MRPS31: variants seen among roughly 807,000 people sequenced by gnomAD.
The protein encoded by MRPS31 is small ribosomal subunit protein mS31.
MRPS31 carries 32 observed loss-of-function variants against 43.1 expected under a neutral mutation model. The ratio of observed to expected loss-of-function variants is 0.74; its 90% CI spans 0.56 to 1.00. MRPS31 has a LOEUF of 1.00. Among genes scored for constraint, MRPS31 ranks in the 50% least tolerant of loss-of-function variants. The probability of loss-of-function intolerance (pLI) is 0.00; values close to 1 mark genes in which losing one functional copy is unlikely to be tolerated. For missense variants in MRPS31, 437 were observed against 466.7 expected (o/e 0.94, Z 0.59); for synonymous variants, 165 against 161.6 (o/e 1.02, Z -0.16).
At chr13:40,762,164 T>C (rs1421620006) in intron 2 of MRPS31, among the ~76,000 whole-genome samples, 1 of 151,774 alleles carries the variant, frequency 6.6e-6, no homozygotes, top group East Asian at 1.9e-4. Flanking sequence ...GAGGATTGCT[T>C]GAGCCCAGAG....
At chr13:40,730,775 G>C (rs1879666631) in intron 6 of MRPS31, among the ~76,000 whole-genome samples, 1 of 151,642 alleles carries the variant, frequency 6.6e-6, no homozygotes, top group African/African-American at 2.4e-5. Flanking sequence ...TGGTCAGGCT[G>C]GCTTGAACTC....
chr13:40,767,165 T>TC (rs1399178979), intron 1 of MRPS31, 132 bp from the exon 2 acceptor site: 1 of 713,300 alleles, frequency 1.4e-6, no homozygotes, highest in Admixed American at 3.5e-5. Flanking sequence ...TCCGTTGCTT[T>TC]TTTTTTTTTG....
chr13:40,735,346 G>C (rs148475907), intron 6 of MRPS31, among the ~76,000 whole-genome samples: 4 of 152,182 alleles, frequency 2.6e-5, no homozygotes, highest in Non-Finnish European at 5.9e-5. Context: ...CGGCAGTGAG[G>C]CTGCGGGAGG....
chr13:40,731,694 A>C (rs916844307), intron 6 of MRPS31, among the ~76,000 whole-genome samples: 5 of 152,184 alleles, frequency 3.3e-5, no homozygotes, highest in African/African-American at 1.2e-4. Context: ...TAAAAGACAG[A>C]GACTGGCACA....
chr13:40,757,878 C>T (rs1221542184), intron 3 of MRPS31, among the ~76,000 whole-genome samples: 4 of 151,114 alleles, frequency 2.6e-5, no homozygotes, highest in African/African-American at 9.7e-5. Context: ...TGCAGTGGCT[C>T]ACGCCTGTAA....
At chr13:40,762,178 G>A (rs9549283) in intron 2 of MRPS31, among the ~76,000 whole-genome samples, 1 of 152,072 alleles carries the variant, frequency 6.6e-6, no homozygotes, top group African/African-American at 2.4e-5. Context: ...CCCAGAGGTA[G>A]AGGCGATTGT....
chr13:40,734,902 C>T (rs1879832447), intron 6 of MRPS31, among the ~76,000 whole-genome samples: 1 of 152,084 alleles, frequency 6.6e-6, no homozygotes, highest in Non-Finnish European at 1.5e-5. Context: ...TCTCAAAAAA[C>T]CCCAAATAAC....
intron 4 of MRPS31, among the ~76,000 whole-genome samples, chr13:40,754,514 T>C (rs1314448084): frequency 2.0e-5 from 3 of 152,234 alleles, no homozygotes; most frequent in African/African-American, 4.8e-5. Flanking sequence ...TATAAAAGAT[T>C]GCATTGGTAA....
chr13:40,734,165 T>A (rs9646110), intron 6 of MRPS31, among the ~76,000 whole-genome samples: 55,549 of 151,854 alleles, frequency 0.37, 10,981 homozygotes, highest in East Asian at 0.59. Context: ...CTATTTCCAA[T>A]CTTGATTTTT....
Position 40,747,091 on chromosome 13 carries a change from T to C in MRPS31, c.958+2047A>G, listed in dbSNP as rs180682145. Among the ~76,000 whole-genome samples, 133 of 152,222 alleles carry C rather than the reference T, an allele frequency of 8.7e-4. 1 individual carries two copies. Among genetic ancestry groups the C allele is most frequent in the African/African-American group, 1.9e-3 (77 of 41,550 alleles). The stretch of plus-strand genomic sequence containing the variant: ...TTTTTTTTTCTTTCTTTCTTTCTTT[T>C]TTTTTGAGGCACAGTTTCGCTCTGT... On this transcript the variant is annotated intron_variant, in intron 6 of 6. Coordinates refer to ENST00000323563, the MANE Select transcript of MRPS31 (RefSeq NM_005830.4).
At position 40,745,378 on chromosome 13, in the gene MRPS31, G is replaced by A. The variant is rs370301560; in HGVS notation, c.958+3760C>T. Among the ~76,000 whole-genome samples, 84 of 151,798 alleles carry A rather than the reference G, an allele frequency of 5.5e-4. 1 individual carries two copies. The South Asian group carries it at 9.4e-3, about 17-fold the overall frequency. On this transcript the variant is annotated intron_variant, in intron 6 of 6. Transcript: ENST00000323563. Reference sequence around the variant, plus strand: ...AGCCATTCTCCTGCCTCAGCCTCCCGAGTAGCTGGGATTACAGGCATGTGC... The same window carrying A: ...AGCCATTCTCCTGCCTCAGCCTCCCAAGTAGCTGGGATTACAGGCATGTGC...
chr13:40,766,386 T>G (rs988293785), intron 2 of MRPS31, among the ~76,000 whole-genome samples: 1 of 152,182 alleles, frequency 6.6e-6, no homozygotes, highest in Non-Finnish European at 1.5e-5. Flanking sequence ...CTCTGCCTCC[T>G]GGGTTCAAAC....
chr13:40,764,197 G>A (rs964511183), intron 2 of MRPS31, among the ~76,000 whole-genome samples: 1 of 152,130 alleles, frequency 6.6e-6, no homozygotes, highest in Non-Finnish European at 1.5e-5. Context: ...GTGGGATACA[G>A]GCATTGTTTC....
intron 1 of MRPS31, among the ~76,000 whole-genome samples, chr13:40,768,434 TAAAA>T (rs201846138): frequency 2.1e-5 from 3 of 141,862 alleles, no homozygotes; most frequent in Non-Finnish European, 4.5e-5. Context: ...TTAATATGCA[TAAAA>T]ATTTTTTTTT....
intron 2 of MRPS31, among the ~76,000 whole-genome samples, chr13:40,761,880 C>A (rs1366930116): frequency 6.9e-6 from 1 of 145,606 alleles, no homozygotes; most frequent in Non-Finnish European, 1.5e-5. Context: ...CTTGACCTAG[C>A]AATTCCACTT....
At chr13:40,762,755 G>T (rs1880734054) in intron 2 of MRPS31, among the ~76,000 whole-genome samples, 1 of 146,146 alleles carries the variant, frequency 6.8e-6, no homozygotes, top group African/African-American at 2.5e-5. Flanking sequence ...TTTTCTTCAT[G>T]TTTCACCACC....
chr13:40,733,546 C>A (rs1429551065), intron 6 of MRPS31, among the ~76,000 whole-genome samples: 1 of 152,098 alleles, frequency 6.6e-6, no homozygotes. Context: ...CCAAGGATAA[C>A]CCTCCTGAAA....
intron 6 of MRPS31, among the ~76,000 whole-genome samples, chr13:40,747,634 T>A (rs1323587138): frequency 6.6e-6 from 1 of 152,180 alleles, no homozygotes. Context: ...TCCCAGCACT[T>A]TGGGAGGCCA....
At chr13:40,735,225 CGG>C (rs1879851308) in intron 6 of MRPS31, among the ~76,000 whole-genome samples, 1 of 152,208 alleles carries the variant, frequency 6.6e-6, no homozygotes, top group African/African-American at 2.4e-5. Flanking sequence ...GCTTTTCCAA[CGG>C]GCTTAAAAAA....
Sources: gnomAD v4.1 joint callset for allele counts (sites outside exome capture counted in the v4.1 genomes callset) on GRCh38, gnomAD v4.1.1 for gene constraint, MANE v1.5 for transcripts, NCBI Gene and HGNC (gene_info 2026-07-23, HGNC 2026-07-21) for gene names.